Variants in FBXL2 observed in about 807,000 individuals in gnomAD.
The protein encoded by FBXL2 is F-box and leucine rich repeat protein 2, also known as F-box/LRR-repeat protein 2.
In FBXL2, 38 loss-of-function variants were observed where a neutral mutation model predicts 69.2. The observed-to-expected ratio is 0.55, with a 90% CI of 0.42 to 0.72. The LOEUF (loss-of-function observed/expected upper bound fraction) is 0.72, where lower values mean the gene tolerates loss of function less well. FBXL2 is among the 30% of genes least tolerant of loss of function. The pLI, the probability that FBXL2 is intolerant of heterozygous loss-of-function variation, is 0.00. For synonymous variants in FBXL2, 192 were observed against 201.3 expected (o/e 0.95, Z 0.39); for missense variants, 354 against 520.3 (o/e 0.68, Z 3.11).
At chr3:33,322,644 A>G (rs1007165030) in intron 2 of FBXL2, among the ~76,000 whole-genome samples, 2 of 152,206 alleles carry the variant, frequency 1.3e-5, no homozygotes, top group Non-Finnish European at 2.9e-5. Context: ...ACCTTGTGAT[A>G]AAACTATAAA....
At chr3:33,331,500 G>A (rs1481591176) in intron 2 of FBXL2, among the ~76,000 whole-genome samples, 1 of 152,192 alleles carries the variant, frequency 6.6e-6, no homozygotes, top group Admixed American at 6.5e-5. Flanking sequence ...AGAAATCCCT[G>A]TTTCTTCTCA....
chr3:33,297,823 A>T, intron 2 of FBXL2, 98 bp downstream of exon 2: 1 of 775,400 alleles, frequency 1.3e-6, no homozygotes, highest in South Asian at 1.5e-5. Context: ...TAGCATAGAA[A>T]AACAGACAGA....
chr3:33,293,640 GT>G (rs201578213), intron 1 of FBXL2, among the ~76,000 whole-genome samples: 27,170 of 148,782 alleles, frequency 0.18, 3,122 homozygotes, highest in East Asian at 0.48. Context: ...TTGCTAGAAA[GT>G]TTTTTTTTTT....
chr3:33,302,448 A>G (rs1441821509), intron 2 of FBXL2, among the ~76,000 whole-genome samples: 2 of 152,184 alleles, frequency 1.3e-5, no homozygotes, highest in Non-Finnish European at 2.9e-5. Context: ...ATATTGACCT[A>G]AAACTCAGAT....
chr3:33,403,607 C>CTT (rs2044327445), exon 13 of FBXL2: 1 of 124,750 alleles, frequency 8.0e-6, no homozygotes, highest in Admixed American at 7.8e-5. Context: ...TCTATCTTTC[C>CTT]TTCTTTCTTT....
chr3:33,393,435 C>T, intron 12 of FBXL2: 1 of 1,604,076 alleles, frequency 6.2e-7, no homozygotes, highest in Non-Finnish European at 8.5e-7. Flanking sequence ...TCATTTCTTC[C>T]AAGTAGATTG....
In FBXL2 at chr3:33,352,287, A is replaced by G. The variant is rs543403756; in HGVS notation, c.66-6680A>G. Among the ~76,000 whole-genome samples the G allele has an allele frequency of 2.6e-5, 4 of 152,352 alleles. No individual in the cohort carries two copies. The East Asian group carries it at 7.7e-4, about 29-fold the overall frequency. ...TGGACATCTGTATTTAAAAAGATGA[A>G]GGTAGACACAGACCTTTCACAAATA... On this transcript the variant is annotated intron_variant, in intron 2 of 14. Coordinates refer to ENST00000484457, the MANE Select transcript of FBXL2 (RefSeq NM_012157.5).
chr3:33,322,365 A>G (rs1408735931), intron 2 of FBXL2, among the ~76,000 whole-genome samples: 8 of 152,096 alleles, frequency 5.3e-5, no homozygotes, highest in Admixed American at 5.2e-4. Flanking sequence ...GGCGTGAGCT[A>G]CGGCGCCTGG....
chr3:33,376,027 G>A (rs576546498), intron 10 of FBXL2, among the ~76,000 whole-genome samples: 1 of 152,122 alleles, frequency 6.6e-6, no homozygotes, highest in Non-Finnish European at 1.5e-5. Flanking sequence ...TTGGTGGCAG[G>A]TGCCTGTAAT....
the FBXL2 span, among the ~76,000 whole-genome samples, chr3:33,418,690 C>G: frequency 6.6e-6 from 1 of 151,606 alleles, no homozygotes; most frequent in African/African-American, 2.4e-5. Flanking sequence ...GAAACCTCAT[C>G]TCTACTAAAA....
intron 2 of FBXL2, among the ~76,000 whole-genome samples, chr3:33,329,552 C>T (rs889551141): frequency 5.9e-5 from 9 of 151,432 alleles, no homozygotes; most frequent in South Asian, 2.1e-4. Flanking sequence ...AAAGAAAATA[C>T]GTTATATATA....
At position 33,377,400 on chromosome 3, in the gene FBXL2, G is replaced by A. The variant is rs1352844153; in HGVS notation, c.849+67G>A. The A allele has an allele frequency of 3.3e-6, 5 of 1,494,848 alleles. No homozygotes were observed. The East Asian group carries it at 9.0e-5, about 27-fold the overall frequency. 92.6% of individuals were successfully genotyped at this position (1,494,848 alleles called of 1,614,324 possible). A position where few individuals can be genotyped will look rare whatever the true frequency, so the allele number is the denominator to read the frequency against. ...CCTCCCGAATTCAAAGTGACTTGGA[G>A]TGGTTTTGGGTGTGCAAAAGACTAC... On this transcript the variant is annotated intron_variant, in intron 11 of 14. Coordinates refer to ENST00000484457, the MANE Select transcript of FBXL2 (RefSeq NM_012157.5).
intron 2 of FBXL2, among the ~76,000 whole-genome samples, chr3:33,336,392 A>G (rs989284575): frequency 5.9e-5 from 9 of 152,238 alleles, no homozygotes; most frequent in Admixed American, 2.0e-4. Flanking sequence ...AACATGGAAA[A>G]GAAAAACAAA....
intron 1 of FBXL2, among the ~76,000 whole-genome samples, chr3:33,285,235 G>A (rs1217629200): frequency 6.6e-6 from 1 of 152,146 alleles, no homozygotes; most frequent in East Asian, 1.9e-4. Flanking sequence ...AGGCAGGCCT[G>A]GTGGTGACAA....
chr3:33,408,369 G>C (rs1278216610), downstream of FBXL2, among the ~76,000 whole-genome samples: 1 of 152,024 alleles, frequency 6.6e-6, no homozygotes, highest in Non-Finnish European at 1.5e-5. Context: ...TCTTGAAGGA[G>C]GTGTGTGTGT....
intron 2 of FBXL2, among the ~76,000 whole-genome samples, chr3:33,314,401 A>G (rs763493941): frequency 2.6e-5 from 4 of 152,192 alleles, no homozygotes; most frequent in Non-Finnish European, 5.9e-5. Flanking sequence ...CATGCCACGT[A>G]TAAGTGAGAT....
chr3:33,408,650 G>C, downstream of FBXL2: 1 of 1,563,034 alleles, frequency 6.4e-7, no homozygotes, highest in Non-Finnish European at 8.7e-7. Context: ...CACTGCACAA[G>C]GTTTCTTGCA....
downstream of FBXL2, chr3:33,388,844 T>C (rs1403823497): frequency 6.6e-6 from 1 of 152,204 alleles, no homozygotes; most frequent in Non-Finnish European, 1.5e-5. Context: ...ATGTCAAAGC[T>C]TTTACTCACT....
intron 1 of FBXL2, among the ~76,000 whole-genome samples, chr3:33,281,494 G>A (rs1276206408): frequency 4.6e-5 from 7 of 152,090 alleles, no homozygotes; most frequent in South Asian, 4.1e-4. Flanking sequence ...GAATAGTGCC[G>A]CGGTAAACAT....
Sources: allele counts gnomAD v4.1 joint callset (sites outside exome capture counted in the v4.1 genomes callset), GRCh38; gene constraint gnomAD v4.1.1; transcripts MANE v1.5; gene names NCBI Gene and HGNC (gene_info 2026-07-23, HGNC 2026-07-21).